The following KHDC1 variants were observed in gnomAD, a reference collection of about 807,000 sequenced individuals.
KHDC1 encodes KH domain containing 1, also known as KH homology domain-containing protein 1.
Under a neutral mutation model 24.7 loss-of-function variants are expected in KHDC1, and 21 were observed. That is an observed-to-expected ratio of 0.85 (90% CI 0.60 to 1.23). The LOEUF (loss-of-function observed/expected upper bound fraction) is 1.23. Among genes scored for constraint, KHDC1 ranks in the 50% most tolerant of loss-of-function variants. KHDC1 has a pLI of 0.00. For missense variants in KHDC1, 274 were observed against 298.5 expected (o/e 0.92, Z 0.61); for synonymous variants, 98 against 111.7 (o/e 0.88, Z 0.77).
intron 2 of KHDC1, chr6:73,290,498 G>T: frequency 2.7e-6 from 1 of 366,676 alleles, no homozygotes; most frequent in East Asian, 7.2e-5. Context: ...GAAGGTGATG[G>T]CATCTATATC....
At chr6:73,241,389 G>T (rs750381929) in exon 5 of KHDC1, 1 of 727,744 alleles carries the variant, frequency 1.4e-6, no homozygotes, top group Admixed American at 2.3e-5. Context: ...ACTTCCCTCA[G>T]ACATGTCTAG....
chr6:73,249,136 G>A (rs1766731166), intron 2 of KHDC1, among the ~76,000 whole-genome samples: 1 of 151,944 alleles, frequency 6.6e-6, no homozygotes, highest in Non-Finnish European at 1.5e-5. Context: ...TTGTGTTAAA[G>A]CTTAAAAAAT....
rs1167118472 is a variant in KHDC1, at chr6:73,308,951, C to A, written c.163+601G>T. The stretch of plus-strand genomic sequence containing the variant: ...GGATCAAGCGATTCTCCTGCCTCCG[C>A]CTCCCTAGTACCTGGGATTACAGGC... On this transcript the variant is annotated intron_variant, in intron 1 of 4. Coordinates refer to ENST00000370384, the Ensembl canonical transcript of KHDC1. Among the ~76,000 whole-genome samples, 4 of 152,358 alleles carry A rather than the reference C, an allele frequency of 2.6e-5. No homozygotes were observed. In the East Asian group the frequency reaches 7.7e-4, roughly 29 times the overall value.
chr6:73,303,947 G>A (rs539723794), intron 1 of KHDC1, among the ~76,000 whole-genome samples: 1 of 152,302 alleles, frequency 6.6e-6, no homozygotes, highest in South Asian at 2.1e-4. Context: ...GGGAGGCCAA[G>A]GTGGGTGGAT....
intron 2 of KHDC1, among the ~76,000 whole-genome samples, chr6:73,263,726 A>T (rs775635525): frequency 3.9e-5 from 6 of 152,042 alleles, no homozygotes; most frequent in Non-Finnish European, 8.8e-5. Flanking sequence ...CCCATCTGCC[A>T]CTTGGGCTGG....
intron 2 of KHDC1, among the ~76,000 whole-genome samples, chr6:73,283,207 C>G (rs1338888162): frequency 6.6e-6 from 1 of 152,124 alleles, no homozygotes; most frequent in Admixed American, 6.6e-5. Flanking sequence ...GAGTTATGCT[C>G]CACCTCCATA....
chr6:73,261,818 AGGAGAATCACTTGAACCCG>A lies in KHDC1; in HGVS notation c.207-19307_207-19289del, dbSNP rs1294580748. 5.5e-4 allele frequency among the ~76,000 whole-genome samples: 83 copies of A among 151,958 alleles called. 1 individual carries two copies. The highest frequency in any genetic ancestry group is 8.8e-5 in the Non-Finnish European group (6 of 67,942). ...TCCCAGCTACTCGGGAGGCTGAGGC[AGGAGAATCACTTGAACCCG>A]GGAGATAGAGGTTGCAGTGAGCCAA... On this transcript the variant is annotated intron_variant, in intron 2 of 4. Transcript: ENST00000370384.
chr6:73,265,404 C>T (rs141173239), intron 2 of KHDC1, among the ~76,000 whole-genome samples: 365 of 152,012 alleles, frequency 2.4e-3, no homozygotes, highest in African/African-American at 8.3e-3. Flanking sequence ...TGGTGGGTGC[C>T]TGTAATCCCA....
At chr6:73,279,149 A>G (rs186961414) in intron 2 of KHDC1, among the ~76,000 whole-genome samples, 3 of 152,354 alleles carry the variant, frequency 2.0e-5, no homozygotes, top group East Asian at 3.9e-4. Flanking sequence ...GCTCATGCCT[A>G]TAATCCCAGC....
intron 1 of KHDC1, among the ~76,000 whole-genome samples, chr6:73,307,931 G>A (rs926273075): frequency 6.6e-6 from 1 of 151,960 alleles, no homozygotes; most frequent in South Asian, 2.1e-4. Flanking sequence ...ACAGAGTCTC[G>A]CTCTGTCGCC....
At chr6:73,242,221 G>A (rs752422077) in exon 4 of KHDC1, 19 of 1,613,394 alleles carry the variant, frequency 1.2e-5, no homozygotes, top group African/African-American at 2.7e-5. Flanking sequence ...TGCAGCGAAG[G>A]TATGTGTCAC....
chr6:73,265,137 A>G (rs1742514908), intron 2 of KHDC1, among the ~76,000 whole-genome samples: 2 of 152,194 alleles, frequency 1.3e-5, no homozygotes, highest in Non-Finnish European at 2.9e-5. Context: ...GTCTAGTAGT[A>G]TATTTCTCAT....
At chr6:73,273,817 T>C (rs1196397614) in intron 2 of KHDC1, among the ~76,000 whole-genome samples, 1 of 150,650 alleles carries the variant, frequency 6.6e-6, no homozygotes, top group Non-Finnish European at 1.5e-5. Context: ...ATACTCTGTC[T>C]TAGAAAAAAT....
At chr6:73,265,157 A>G (rs1345628847) in intron 2 of KHDC1, among the ~76,000 whole-genome samples, 1 of 152,198 alleles carries the variant, frequency 6.6e-6, no homozygotes, top group Non-Finnish European at 1.5e-5. Context: ...TCAGTTACCT[A>G]TTTAGCTGTT....
intron 2 of KHDC1, among the ~76,000 whole-genome samples, chr6:73,283,338 T>A (rs57113415): frequency 0.17 from 22,565 of 130,118 alleles, 2,366 homozygotes; most frequent in African/African-American, 0.33. Flanking sequence ...TTTTTTTTTT[T>A]TAAAAAGAAG....
chr6:73,241,600 T>G (rs1208300634), exon 5 of KHDC1: 1 of 1,614,134 alleles, frequency 6.2e-7, no homozygotes, highest in South Asian at 1.1e-5. Context: ...TGAGGAACGC[T>G]AAGACACACG....
At chr6:73,277,634 T>G (rs1208632686) in intron 2 of KHDC1, among the ~76,000 whole-genome samples, 1 of 151,850 alleles carries the variant, frequency 6.6e-6, no homozygotes, top group Non-Finnish European at 1.5e-5. Context: ...GAAGATTGCT[T>G]GAGTCCAGGA....
Position 73,309,568 on chromosome 6 carries a change from C to T in KHDC1, c.147G>A (p.Trp49Ter), listed in dbSNP as rs1392553471. 9.2e-6 allele frequency: 14 copies of T among 1,525,286 alleles called. No homozygotes were observed. Among genetic ancestry groups the T allele is most frequent in the Non-Finnish European group, 1.2e-5 (14 of 1,136,362 alleles). The allele number at this position is 1,525,286 out of a possible 1,614,324, so 94.5% of individuals were successfully genotyped here. ...GCCACTCACCTCGATTTCTGCGGAT[C>T]CAAAGGTGGAAAGACACTGTCCCGA... The change falls in exon 1 of 5, where the codon TGG becomes TGA. Residue 49 changes from tryptophan to a stop codon, truncating the protein, a stop_gained. Transcript: ENST00000370384. LOFTEE classifies it high-confidence loss of function.
chr6:73,302,733 T>C (rs1767898614), intron 1 of KHDC1, among the ~76,000 whole-genome samples: 2 of 152,202 alleles, frequency 1.3e-5, no homozygotes, highest in South Asian at 2.1e-4. Context: ...CATCATTGAC[T>C]GAAATGTCAT....
Sources: gnomAD v4.1 joint callset for allele counts (sites outside exome capture counted in the v4.1 genomes callset) on GRCh38, gnomAD v4.1.1 for gene constraint, MANE v1.5 for transcripts, NCBI Gene and HGNC (gene_info 2026-07-23, HGNC 2026-07-21) for gene names.